TRPM5: variants seen among roughly 807,000 people sequenced by gnomAD.
TRPM5 encodes the protein transient receptor potential cation channel subfamily M member 5.
In TRPM5, 121 loss-of-function variants were observed where a neutral mutation model predicts 124.9. That is an observed-to-expected ratio of 0.97 (90% CI 0.84 to 1.13). The LOEUF is 1.13. Among genes scored for constraint, TRPM5 ranks in the 50% most tolerant of loss-of-function variants. The pLI is 0.00. For missense variants in TRPM5, 1,643 were observed against 1,589.1 expected (o/e 1.03, Z -0.58); for synonymous variants, 781 against 700.5 (o/e 1.11, Z -1.81).
the TRPM5 span, among the ~76,000 whole-genome samples, chr11:2,433,483 C>T: frequency 1.3e-5 from 2 of 152,376 alleles, no homozygotes; most frequent in East Asian, 1.9e-4. Flanking sequence ...CATGCACTGT[C>T]CATGAGGGCA....
Position 2,415,166 on chromosome 11 carries a change from G to T in TRPM5, c.1434C>A (p.Cys478Ter). ...GCCGGCCGTCCTGGTAGAAGCCTCG[G>T]CAGGCGTCCTGCAGGAAGTCCTTGA... The change falls in exon 9 of 24, where the codon TGC becomes TGA. Residue 478 changes from cysteine (C) to a stop codon, truncating the protein, a stop_gained. Coordinates refer to ENST00000155858, the Ensembl canonical transcript of TRPM5. LOFTEE classifies it high-confidence loss of function. 1 of 1,581,806 alleles carries T rather than the reference G, an allele frequency of 6.3e-7. No individual in the cohort carries two copies.
intron 7 of TRPM5, among the ~76,000 whole-genome samples, chr11:2,417,139 C>A (rs1199852067): frequency 6.6e-6 from 1 of 152,162 alleles, no homozygotes; most frequent in African/African-American, 2.4e-5. Context: ...ATGGTCGCCC[C>A]ACCTCACGAA....
chr11:2,408,578 G>A (rs1485506424), intron 18 of TRPM5, among the ~76,000 whole-genome samples: 6 of 152,182 alleles, frequency 3.9e-5, no homozygotes, highest in Admixed American at 6.5e-5. Context: ...GAGCTCCCTC[G>A]GCCCTGGGCA....
At chr11:2,410,731 G>T (rs556859230) in intron 18 of TRPM5, 1 of 454,818 alleles carries the variant, frequency 2.2e-6, no homozygotes, top group Non-Finnish European at 4.4e-6. Flanking sequence ...CAGCTACAGG[G>T]GTCGGCCTGG....
At chr11:2,422,875 C>T (rs375080421) in intron 1 of TRPM5, 45 bp downstream of exon 6, 35 of 1,543,396 alleles carry the variant, frequency 2.3e-5, no homozygotes, top group Non-Finnish European at 3.0e-5. Flanking sequence ...CTCATGGGTT[C>T]CAGGTCAAGG....
rs200324082 is a variant in TRPM5 at position 2,414,972 on chromosome 11, G to A, written c.1555C>T (p.Arg519Trp). ...AGCACGGCCCACAGGAACAGGTCCC[G>A]CCAGGGGTTCTCGCTCTTCTGGTTC... Residue 519 changes from arginine (R) to tryptophan (W), a missense_variant, in exon 10 of 24, where the codon CGG becomes TGG. Transcript: ENST00000155858. 429 of 1,607,534 alleles carry A rather than the reference G, an allele frequency of 2.7e-4. 1 individual carries two copies. Among genetic ancestry groups the A allele is most frequent in the Non-Finnish European group, 2.3e-4 (268 of 1,179,350 alleles).
At chr11:2,410,099 G>A (rs1850414724) in intron 18 of TRPM5, among the ~76,000 whole-genome samples, 1 of 152,230 alleles carries the variant, frequency 6.6e-6, no homozygotes, top group South Asian at 2.1e-4. Flanking sequence ...GGGCGAGGTG[G>A]GGTCGCAGGC....
upstream of TRPM5, among the ~76,000 whole-genome samples, chr11:2,426,647 G>A (rs1845842755): frequency 6.6e-6 from 1 of 152,266 alleles, no homozygotes; most frequent in Non-Finnish European, 1.5e-5. Flanking sequence ...GCTCAGGGCA[G>A]AGCTGGATGA....
At chr11:2,413,497 T>A (rs371820006) in exon 13 of TRPM5, 1 of 1,611,892 alleles carries the variant, frequency 6.2e-7, no homozygotes, top group Non-Finnish European at 8.5e-7. Flanking sequence ...GAGGTTGGTA[T>A]AGACGAGGGC....
intron 18 of TRPM5, among the ~76,000 whole-genome samples, chr11:2,411,041 G>A (rs1216723814): frequency 1.3e-5 from 2 of 152,100 alleles, no homozygotes; most frequent in Non-Finnish European, 1.5e-5. Flanking sequence ...AGCAAGACTT[G>A]CTGCTTGGCC....
exon 6 of TRPM5, chr11:2,418,245 C>T (rs1197650587): frequency 6.3e-7 from 1 of 1,586,868 alleles, no homozygotes; most frequent in Non-Finnish European, 8.6e-7. Flanking sequence ...TCTCGGCCAC[C>T]TTGGGCACCA....
intron 20 of TRPM5, among the ~76,000 whole-genome samples, 154 bp downstream of exon 25, chr11:2,406,965 G>T (rs1438135366): frequency 1.3e-5 from 2 of 152,206 alleles, no homozygotes; most frequent in South Asian, 2.1e-4. Flanking sequence ...GGGTGGACGG[G>T]CTCAGCTGTG....
At chr11:2,404,677 T>C in exon 24 of TRPM5, 1 of 512,826 alleles carries the variant, frequency 1.9e-6, no homozygotes, top group Non-Finnish European at 3.5e-6. Context: ...AGGGATGCGG[T>C]GGGGCACGTT....
chr11:2,405,929 G>A, intron 22 of TRPM5, 90 bp downstream of exon 27: 1 of 1,214,898 alleles, frequency 8.2e-7, no homozygotes, highest in Admixed American at 1.8e-5. Flanking sequence ...TCATCTCTGT[G>A]AGTGACCGGG....
intron 4 of TRPM5, 57 bp downstream of exon 9, chr11:2,420,165 G>A: frequency 4.6e-6 from 7 of 1,533,284 alleles, no homozygotes; most frequent in Non-Finnish European, 6.1e-6. Flanking sequence ...CCACAGGCGG[G>A]TCCCTGGATC....
At chr11:2,437,292 A>T in the TRPM5 span, among the ~76,000 whole-genome samples, 2 of 152,184 alleles carry the variant, frequency 1.3e-5, no homozygotes, top group Non-Finnish European at 2.9e-5. The surrounding 1 kb of genome is among the most constrained non-coding windows in gnomAD (Gnocchi z 5.6). Context: ...CAAGCTGTGA[A>T]TTGGGAGACA....
the TRPM5 span, among the ~76,000 whole-genome samples, chr11:2,428,242 TG>T: frequency 6.6e-6 from 1 of 152,186 alleles, no homozygotes; most frequent in Non-Finnish European, 1.5e-5. The surrounding 1 kb of genome is among the most constrained non-coding windows in gnomAD (Gnocchi z 4.0). Flanking sequence ...GGGATACCTC[TG>T]TGTGCCCCTT....
At chr11:2,407,762 A>G in exon 19 of TRPM5, 1 of 1,613,538 alleles carries the variant, frequency 6.2e-7, no homozygotes, top group Non-Finnish European at 8.5e-7. Flanking sequence ...GAGTCACCTG[A>G]ACATGGCGAT....
At chr11:2,413,917 G>T in intron 12 of TRPM5, 144 bp downstream of exon 17, 1 of 1,211,012 alleles carries the variant, frequency 8.3e-7, no homozygotes, top group Non-Finnish European at 1.2e-6. Context: ...CGCCTTCCAG[G>T]AACAGAAGCC....
Sources: allele counts gnomAD v4.1 joint callset (sites outside exome capture counted in the v4.1 genomes callset), GRCh38; gene constraint gnomAD v4.1.1; non-coding constraint Gnocchi (gnomAD v3.1); transcripts MANE v1.5; gene names NCBI Gene and HGNC (gene_info 2026-07-23, HGNC 2026-07-21).